FAM117B: variants seen among roughly 807,000 people sequenced by gnomAD.
FAM117B encodes the protein family with sequence similarity 117 member B.
Under a neutral mutation model 52.8 loss-of-function variants are expected in FAM117B, and 22 were observed. That is an observed-to-expected ratio of 0.42 (90% CI 0.30 to 0.59). FAM117B has a LOEUF of 0.59. Among genes scored for constraint, FAM117B ranks in the 20% least tolerant of loss-of-function variants. The pLI is 0.22. For missense variants in FAM117B, 678 were observed against 802.6 expected, an observed-to-expected ratio of 0.84 and a Z score of 1.88; for synonymous variants, 309 against 324.1, an observed-to-expected ratio of 0.95 and a Z score of 0.50.
chr2:202,743,666 A>C (rs1447880429), intron 4 of FAM117B, among the ~76,000 whole-genome samples: 1 of 152,204 alleles, frequency 6.6e-6, no homozygotes. Flanking sequence ...TATTTGAATG[A>C]GTAATTGAAT....
chr2:202,724,786 G>T lies in FAM117B; in HGVS notation c.754-131G>T, dbSNP rs1290606983. On this transcript the variant is annotated intron_variant, in intron 2 of 7. Transcript: ENST00000392238. Reference sequence around the variant, plus strand: ...GTAACTGGTGCCAGGAGAATTTTGAGTAATTTGTGTTAATTATTTTTAATG... The same window carrying T: ...GTAACTGGTGCCAGGAGAATTTTGATTAATTTGTGTTAATTATTTTTAATG... 4 of 524,132 alleles carry T rather than the reference G, an allele frequency of 7.6e-6. No individual in the cohort carries two copies. The South Asian group carries it at 2.5e-4, about 33-fold the overall frequency. The allele number at this position is 524,132 out of a possible 1,614,324, so 32.5% of individuals were successfully genotyped here. A position where few individuals can be genotyped will look rare whatever the true frequency, so the allele number is the denominator to read the frequency against.
chr2:202,661,907 C>G (rs1690133722), intron 1 of FAM117B, among the ~76,000 whole-genome samples: 1 of 133,026 alleles, frequency 7.5e-6, no homozygotes, highest in Non-Finnish European at 1.5e-5. Flanking sequence ...GGCAACAGAG[C>G]AAGATTCCAT....
At chr2:202,724,267 A>T (rs1691202692) in intron 2 of FAM117B, among the ~76,000 whole-genome samples, 1 of 150,810 alleles carries the variant, frequency 6.6e-6, no homozygotes, top group Admixed American at 6.6e-5. Context: ...CTGTTCTCGA[A>T]CTCCTGACCT....
chr2:202,753,223 C>T (rs1419058598), intron 4 of FAM117B, among the ~76,000 whole-genome samples: 1 of 152,154 alleles, frequency 6.6e-6, no homozygotes, highest in East Asian at 1.9e-4. Context: ...CACACATCTA[C>T]AACCATCTGA....
At chr2:202,642,094 A>G (rs957609426) in intron 1 of FAM117B, among the ~76,000 whole-genome samples, 1 of 145,138 alleles carries the variant, frequency 6.9e-6, no homozygotes. Context: ...GCCGTGTGCC[A>G]CCATGCCCGG....
At chr2:202,685,562 A>G (rs1423297812) in intron 1 of FAM117B, among the ~76,000 whole-genome samples, 3 of 152,260 alleles carry the variant, frequency 2.0e-5, no homozygotes, top group Non-Finnish European at 4.4e-5. Context: ...TTGAAAAGGA[A>G]TAATTAAAAT....
chr2:202,738,202 C>T (rs1691471146), intron 4 of FAM117B, among the ~76,000 whole-genome samples: 1 of 152,192 alleles, frequency 6.6e-6, no homozygotes, highest in African/African-American at 2.4e-5. Flanking sequence ...CCAGTCTCAA[C>T]TTGTCTTTTG....
chr2:202,657,935 A>C (rs1312259183), intron 1 of FAM117B, among the ~76,000 whole-genome samples: 1 of 152,106 alleles, frequency 6.6e-6, no homozygotes, highest in Non-Finnish European at 1.5e-5. Flanking sequence ...CAATATACAT[A>C]CCTAACTTTA....
chr2:202,661,215 G>A (rs545991958), intron 1 of FAM117B, among the ~76,000 whole-genome samples: 1 of 152,248 alleles, frequency 6.6e-6, no homozygotes, highest in South Asian at 2.1e-4. Flanking sequence ...TATGCTGTCC[G>A]GGTTTTTAGT....
intron 1 of FAM117B, among the ~76,000 whole-genome samples, chr2:202,688,244 A>G (rs182539768): frequency 9.2e-5 from 14 of 152,266 alleles, no homozygotes; most frequent in Admixed American, 1.3e-4. Flanking sequence ...TCAAAAAAAT[A>G]TAGATAATAA....
At chr2:202,674,304 A>G (rs1322266228) in intron 1 of FAM117B, among the ~76,000 whole-genome samples, 1 of 152,252 alleles carries the variant, frequency 6.6e-6, no homozygotes, top group Non-Finnish European at 1.5e-5. Context: ...CTTGTGGAAC[A>G]CATAATAACG....
In FAM117B at chr2:202,675,248, A is replaced by G. The variant is rs577295380; in HGVS notation, c.602-20633A>G. ...CTCTTAAAAAAAAAAAACAACAACA[A>G]AAAGCCTGAGCAACAGGTGATTCTC... On this transcript the variant is annotated intron_variant, in intron 1 of 7. Coordinates refer to ENST00000392238, the MANE Select transcript of FAM117B (RefSeq NM_173511.4). 8.0e-4 allele frequency among the ~76,000 whole-genome samples: 121 copies of G among 151,680 alleles called. 1 individual carries two copies. The highest frequency in any genetic ancestry group is 1.4e-3 in the Non-Finnish European group (97 of 67,838).
At chr2:202,730,199 A>G in intron 4 of FAM117B, among the ~76,000 whole-genome samples, 1 of 152,190 alleles carries the variant, frequency 6.6e-6, no homozygotes, top group Non-Finnish European at 1.5e-5. Context: ...AGACAAGAAC[A>G]TCAAGGCCCA....
At chr2:202,703,648 C>G (rs1365611733) in intron 2 of FAM117B, among the ~76,000 whole-genome samples, 1 of 152,240 alleles carries the variant, frequency 6.6e-6, no homozygotes, top group Non-Finnish European at 1.5e-5. Flanking sequence ...GCCATCACAC[C>G]TGGCCTTAAT....
At chr2:202,727,464 A>G (rs940282088) in intron 4 of FAM117B, among the ~76,000 whole-genome samples, 1 of 152,142 alleles carries the variant, frequency 6.6e-6, no homozygotes, top group Non-Finnish European at 1.5e-5. Flanking sequence ...TCAACCAACC[A>G]TGGATCAAAC....
At chr2:202,665,181 T>C (rs989645026) in intron 1 of FAM117B, among the ~76,000 whole-genome samples, 80 of 151,904 alleles carry the variant, frequency 5.3e-4, no homozygotes, top group Non-Finnish European at 1.0e-3. Flanking sequence ...TCAATTTTCT[T>C]TTTTCTTTTT....
At chr2:202,687,675 C>CATTGGG (rs1211489359) in intron 1 of FAM117B, among the ~76,000 whole-genome samples, 1 of 152,134 alleles carries the variant, frequency 6.6e-6, no homozygotes, top group East Asian at 1.9e-4. Context: ...CCTCCCATAG[C>CATTGGG]ATTGGGATTA....
chr2:202,653,529 A>G lies in FAM117B; in HGVS notation c.601+17741A>G, dbSNP rs575225580. ...TTTATCTTTTGTGTATTCGTTCTCTATTAGTTTGGAAGCTTTGAGTATCAC... is the reference window on the plus strand; with the variant it reads ...TTTATCTTTTGTGTATTCGTTCTCTGTTAGTTTGGAAGCTTTGAGTATCAC... On this transcript the variant is annotated intron_variant, in intron 1 of 7. Coordinates refer to ENST00000392238, the MANE Select transcript of FAM117B (RefSeq NM_173511.4). 2.8e-4 allele frequency among the ~76,000 whole-genome samples: 43 copies of G among 152,246 alleles called. No individual in the cohort carries two copies. The East Asian group carries it at 7.5e-3, about 27-fold the overall frequency.
At chr2:202,755,053 A>G (rs1030111125) in intron 4 of FAM117B, among the ~76,000 whole-genome samples, 1 of 151,852 alleles carries the variant, frequency 6.6e-6, no homozygotes, top group Non-Finnish European at 1.5e-5. Flanking sequence ...AGCAGGAGCA[A>G]GAGAGAGAAG....
Sources: allele counts gnomAD v4.1 joint callset (sites outside exome capture counted in the v4.1 genomes callset), GRCh38; gene constraint gnomAD v4.1.1; transcripts MANE v1.5; gene names NCBI Gene and HGNC (gene_info 2026-07-23, HGNC 2026-07-21).